Variants in STAB2 observed in about 807,000 individuals in gnomAD.
The protein encoded by STAB2 is stabilin-2.
A neutral mutation model predicts 338.1 loss-of-function variants in STAB2; 288 were observed. That is an observed-to-expected ratio of 0.85 (90% CI 0.77 to 0.94). The LOEUF is 0.94. Ranked by LOEUF, STAB2 falls within the 40% of genes least tolerant of loss-of-function variation. The pLI is 0.00. For synonymous variants in STAB2, 1,202 were observed against 1,193.3 expected, an observed-to-expected ratio of 1.01 and a Z score of -0.15; for missense variants, 3,141 against 3,210.1, an observed-to-expected ratio of 0.98 and a Z score of 0.52.
chr12:103,712,726 T>C (rs757176099), intron 41 of STAB2, among the ~76,000 whole-genome samples: 30 of 152,330 alleles, frequency 2.0e-4, no homozygotes, highest in Non-Finnish European at 3.1e-4. Flanking sequence ...ATTACCCTCA[T>C]CTATACATTA....
chr12:103,718,263 T>C (rs1439765921), intron 44 of STAB2, among the ~76,000 whole-genome samples: 1 of 152,118 alleles, frequency 6.6e-6, no homozygotes, highest in East Asian at 1.9e-4. Flanking sequence ...AACAATATAG[T>C]GTAGCATTCC....
chr12:103,632,846 A>T (rs1957485400), intron 6 of STAB2, among the ~76,000 whole-genome samples: 1 of 152,166 alleles, frequency 6.6e-6, no homozygotes, highest in Admixed American at 6.5e-5. Flanking sequence ...AGAGCCGGGG[A>T]GCTGAGATGT....
At position 103,709,844 on chromosome 12, in the gene STAB2, G is replaced by A. The variant is rs748384900; in HGVS notation, c.4288+1308G>A. On this transcript the variant is annotated intron_variant, in intron 39 of 68. Coordinates refer to ENST00000388887, the MANE Select transcript of STAB2 (RefSeq NM_017564.10). ...GTCACATAAACAGTAGGACATTTTC[G>A]GTGAATCCCCAGAATAAATACAATA... is the stretch of plus-strand genomic sequence containing the variant. Among the ~76,000 whole-genome samples the A allele has an allele frequency of 4.6e-5, 7 of 152,116 alleles. No homozygotes were observed. The East Asian group carries it at 5.8e-4, about 13-fold the overall frequency.
At chr12:103,650,932 GC>G (rs1487969571) in intron 11 of STAB2, among the ~76,000 whole-genome samples, 1 of 152,194 alleles carries the variant, frequency 6.6e-6, no homozygotes, top group Non-Finnish European at 1.5e-5. Flanking sequence ...TTTGCTTAAA[GC>G]AAAACTGCTC....
intron 28 of STAB2, among the ~76,000 whole-genome samples, chr12:103,689,495 A>G (rs200772745): frequency 1.6e-3 from 83 of 52,918 alleles, no homozygotes; most frequent in African/African-American, 2.6e-3. Context: ...AAAAAAAAAG[A>G]AAAAAAAAAA....
chr12:103,692,227 T>TA (rs1203176174), intron 30 of STAB2, among the ~76,000 whole-genome samples: 2 of 152,338 alleles, frequency 1.3e-5, no homozygotes, highest in East Asian at 3.9e-4. Context: ...TCTCTGAGTG[T>TA]AGCTGTCTCT....
chr12:103,667,289 GGGA>G (rs1310245213), intron 19 of STAB2, among the ~76,000 whole-genome samples: 1 of 152,228 alleles, frequency 6.6e-6, no homozygotes, highest in Non-Finnish European at 1.5e-5. Flanking sequence ...GAATGTGAGA[GGGA>G]GGAGAAGAGG....
At chr12:103,610,981 T>C in intron 3 of STAB2, among the ~76,000 whole-genome samples, 1 of 152,214 alleles carries the variant, frequency 6.6e-6, no homozygotes, top group East Asian at 1.9e-4. Context: ...GTTCAGTTTC[T>C]ATGTAGTGGA....
intron 34 of STAB2, among the ~76,000 whole-genome samples, chr12:103,701,910 A>G (rs1368057963): frequency 1.3e-5 from 2 of 151,784 alleles, no homozygotes; most frequent in African/African-American, 4.8e-5. Flanking sequence ...TAATATATGA[A>G]TTTAAGAATT....
intron 15 of STAB2, among the ~76,000 whole-genome samples, chr12:103,656,677 A>AT (rs62855260): frequency 0.025 from 2,959 of 118,960 alleles, 125 homozygotes; most frequent in African/African-American, 0.075. Flanking sequence ...AAAACTTAGG[A>AT]TTTTTTTTTT....
chr12:103,734,867 G>C (rs563811222), intron 51 of STAB2, among the ~76,000 whole-genome samples: 1 of 152,258 alleles, frequency 6.6e-6, no homozygotes, highest in African/African-American at 2.4e-5. Flanking sequence ...GTGGCTTCTG[G>C]AAATCCTTGG....
At chr12:103,700,251 A>G (rs1446758106) in intron 34 of STAB2, among the ~76,000 whole-genome samples, 2 of 152,244 alleles carry the variant, frequency 1.3e-5, no homozygotes, top group African/African-American at 4.8e-5. Flanking sequence ...TAAGAAACTC[A>G]TAATTTTAAT....
At chr12:103,683,409 C>A in intron 26 of STAB2, 109 bp downstream of exon 26, 1 of 916,806 alleles carries the variant, frequency 1.1e-6, no homozygotes, top group Admixed American at 2.9e-5. Context: ...ATCTCTTACC[C>A]CCAAAAGGGA....
rs151019558 is a variant in STAB2, at chr12:103,706,793, C to A, written c.3998C>A (p.Thr1333Lys). The change falls in exon 38 of 69, where the codon ACG (threonine) becomes AAG (lysine). Residue 1333 changes from threonine (T) to lysine (K), a missense_variant and splice_region_variant. Coordinates refer to ENST00000388887, the MANE Select transcript of STAB2 (RefSeq NM_017564.10). ...CQPKCVRTVI[T>K]RECCAGFFGP... ...TCAAGCTTTGTCCTTCTGTTTCAGACGAGAGAATGCTGTGCCGGCTTCTTT... is the reference window on the plus strand; with the variant it reads ...TCAAGCTTTGTCCTTCTGTTTCAGAAGAGAGAATGCTGTGCCGGCTTCTTT... 1.3e-5 allele frequency: 21 copies of A among 1,614,120 alleles called. No homozygotes were observed. The highest frequency in any genetic ancestry group is 1.8e-5 in the Non-Finnish European group (21 of 1,180,048).
At chr12:103,602,365 A>G (rs1422127212) in intron 3 of STAB2, among the ~76,000 whole-genome samples, 1 of 152,198 alleles carries the variant, frequency 6.6e-6, no homozygotes, top group East Asian at 1.9e-4. Flanking sequence ...TTAGCTATTC[A>G]CTAACTGAAA....
chr12:103,614,151 T>G (rs78094597), intron 3 of STAB2, among the ~76,000 whole-genome samples: 5,481 of 152,282 alleles, frequency 0.036, 326 homozygotes, highest in African/African-American at 0.12. Flanking sequence ...CTAGTAAGTT[T>G]TATTGAATTC....
chr12:103,731,501 TCAC>T lies in STAB2; in HGVS notation c.5224-74_5224-72del. On this transcript the variant is annotated intron_variant, in intron 49 of 68. Transcript: ENST00000388887. Reference sequence around the variant, plus strand: ...CAGGTTATGTTACCTTTACTTTTTTTCACTTGAGCTCTTGTTAAATTCCTCTTA... The same window carrying T: ...CAGGTTATGTTACCTTTACTTTTTTTTTGAGCTCTTGTTAAATTCCTCTTA... 11 of 1,519,380 alleles carry T rather than the reference TCAC, an allele frequency of 7.2e-6. No homozygotes were observed. The Admixed American group carries it at 1.1e-4, about 16-fold the overall frequency. 94.1% of individuals were successfully genotyped at this position (1,519,380 alleles called of 1,614,324 possible). A position where few individuals can be genotyped will look rare whatever the true frequency, so the allele number is the denominator to read the frequency against.
At chr12:103,716,593 G>A (rs979099310) in intron 43 of STAB2, among the ~76,000 whole-genome samples, 1 of 152,090 alleles carries the variant, frequency 6.6e-6, no homozygotes, top group Non-Finnish European at 1.5e-5. Flanking sequence ...TCTCTCAATG[G>A]GCAGATCAAG....
rs1468713734 is a variant in STAB2 at position 103,650,462 on chromosome 12, C to T, written c.1175-34C>T. The stretch of plus-strand genomic sequence containing the variant: ...CCTCCTGTACCACTGACTCATTTGG[C>T]GTTTTCTTTCTTTGTGTTATTTCGA... On this transcript the variant is annotated intron_variant, in intron 10 of 68. Coordinates refer to ENST00000388887, the MANE Select transcript of STAB2 (RefSeq NM_017564.10). 8 of 1,595,108 alleles carry T rather than the reference C, an allele frequency of 5.0e-6. No homozygotes were observed. The Admixed American group carries it at 6.7e-5, about 13-fold the overall frequency.
Sources: gnomAD v4.1 joint callset for allele counts (sites outside exome capture counted in the v4.1 genomes callset) on GRCh38, gnomAD v4.1.1 for gene constraint, MANE v1.5 for transcripts, NCBI Gene and HGNC (gene_info 2026-07-23, HGNC 2026-07-21) for gene names.